SNX29: variants seen among roughly 807,000 people sequenced by gnomAD.
SNX29 encodes the protein sorting nexin-29.
A neutral mutation model predicts 102.1 loss-of-function variants in SNX29; 78 were observed. The observed-to-expected ratio is 0.76, with a 90% confidence interval of 0.64 to 0.92. The LOEUF is 0.92. SNX29 is among the 40% of genes least tolerant of loss of function. SNX29 has a pLI of 0.00. For missense variants in SNX29, 1,280 were observed against 1,061.7 expected (o/e 1.21, Z -2.86); for synonymous variants, 580 against 414.5 (o/e 1.40, Z -4.85).
At chr16:12,159,275 A>C (rs146978842) in intron 13 of SNX29, among the ~76,000 whole-genome samples, 80 of 152,306 alleles carry the variant, frequency 5.3e-4, no homozygotes, top group African/African-American at 1.9e-3. Context: ...AGTTGGCTTC[A>C]TTCCTCACCC....
intron 14 of SNX29, among the ~76,000 whole-genome samples, chr16:12,270,099 G>A (rs1373380956): frequency 6.6e-6 from 1 of 152,040 alleles, no homozygotes; most frequent in East Asian, 1.9e-4. Flanking sequence ...GACCTCAAGT[G>A]ATCCACCCAC....
intron 15 of SNX29, among the ~76,000 whole-genome samples, chr16:12,301,498 A>G (rs1387370219): frequency 6.6e-6 from 1 of 152,216 alleles, no homozygotes; most frequent in Non-Finnish European, 1.5e-5. Flanking sequence ...TCACCGCCTC[A>G]GTGAGGCCTT....
intron 20 of SNX29, among the ~76,000 whole-genome samples, chr16:12,533,511 G>C (rs2076986994): frequency 6.6e-6 from 1 of 152,190 alleles, no homozygotes; most frequent in Admixed American, 6.5e-5. Context: ...ACATCAGAGA[G>C]CAGCCCGTCA....
chr16:12,116,711 C>T lies in SNX29; in HGVS notation c.1403-9922C>T, dbSNP rs140837379. Among the ~76,000 whole-genome samples the T allele has an allele frequency of 2.2e-3, 342 of 152,282 alleles. 1 individual carries two copies. The highest frequency in any genetic ancestry group is 7.7e-3 in the African/African-American group (321 of 41,562). On this transcript the variant is annotated intron_variant, in intron 11 of 20. Transcript: ENST00000566228. ...AATGAGGCACTGATACATGCTTCAACGTGGATGAACTGTGGAAACAGGCTT... is the reference window on the plus strand; with the variant it reads ...AATGAGGCACTGATACATGCTTCAATGTGGATGAACTGTGGAAACAGGCTT...
chr16:12,534,103 G>A (rs934329198), intron 20 of SNX29, among the ~76,000 whole-genome samples: 3 of 152,316 alleles, frequency 2.0e-5, no homozygotes, highest in South Asian at 2.1e-4. Context: ...CCAGGGGATC[G>A]CGATGACAAG....
At chr16:12,545,234 C>T (rs983545490) in intron 20 of SNX29, among the ~76,000 whole-genome samples, 11 of 152,158 alleles carry the variant, frequency 7.2e-5, no homozygotes, top group African/African-American at 2.4e-4. Flanking sequence ...AGGGAAAGGG[C>T]CTCTGTTCTC....
intron 20 of SNX29, among the ~76,000 whole-genome samples, chr16:12,541,717 T>C (rs555692386): frequency 6.6e-6 from 1 of 152,232 alleles, no homozygotes; most frequent in East Asian, 1.9e-4. Context: ...TCCTGATTCC[T>C]GTCACCTCCT....
At chr16:12,273,044 A>T (rs2079138171) in intron 14 of SNX29, among the ~76,000 whole-genome samples, 1 of 152,196 alleles carries the variant, frequency 6.6e-6, no homozygotes, top group East Asian at 1.9e-4. Flanking sequence ...GAAGTGCATG[A>T]TCGTTTTTCC....
intron 13 of SNX29, among the ~76,000 whole-genome samples, chr16:12,194,114 G>A (rs942324801): frequency 1.3e-5 from 2 of 152,242 alleles, no homozygotes; most frequent in South Asian, 2.1e-4. Context: ...AGTCTTCTAA[G>A]CCATGAACCT....
chr16:12,529,857 C>T (rs190567343), intron 20 of SNX29, among the ~76,000 whole-genome samples: 25 of 152,324 alleles, frequency 1.6e-4, no homozygotes, highest in Non-Finnish European at 2.9e-4. Flanking sequence ...TCACTGCTAA[C>T]AGGAAGTAGC....
chr16:12,451,818 C>T lies in SNX29; in HGVS notation c.2038-25901C>T, dbSNP rs546582511. On this transcript the variant is annotated intron_variant, in intron 18 of 20. Transcript: ENST00000566228. The stretch of plus-strand genomic sequence containing the variant: ...GGCAGAAGTTGCAGTGAGCCCAGAT[C>T]GCGCCACTGCATTCTAGCCTGGGTG... 2.4e-4 allele frequency among the ~76,000 whole-genome samples: 36 copies of T among 152,314 alleles called. No individual in the cohort carries two copies. In the South Asian group the frequency reaches 2.7e-3, roughly 11 times the overall value.
intron 19 of SNX29, among the ~76,000 whole-genome samples, chr16:12,497,063 G>T (rs977003538): frequency 6.6e-6 from 1 of 152,114 alleles, no homozygotes; most frequent in Non-Finnish European, 1.5e-5. Flanking sequence ...AGGATCCGGG[G>T]CCCTGGACTT....
At chr16:12,484,191 C>A (rs886200287) in intron 19 of SNX29, among the ~76,000 whole-genome samples, 17 of 152,132 alleles carry the variant, frequency 1.1e-4, no homozygotes, top group Non-Finnish European at 7.4e-5. Context: ...CTCTGTCACC[C>A]AGGCTGGAGT....
chr16:12,415,783 C>T (rs2084608777), intron 18 of SNX29, among the ~76,000 whole-genome samples: 1 of 152,228 alleles, frequency 6.6e-6, no homozygotes. Context: ...TGCCACACCA[C>T]ACACTCCCTG....
intron 15 of SNX29, among the ~76,000 whole-genome samples, chr16:12,334,137 G>C (rs1041583769): frequency 2.6e-5 from 4 of 152,098 alleles, no homozygotes; most frequent in Non-Finnish European, 5.9e-5. Flanking sequence ...ATCCACTTTA[G>C]GTCTTTGAGG....
At chr16:12,465,507 G>T (rs897341290) in intron 18 of SNX29, among the ~76,000 whole-genome samples, 5 of 152,156 alleles carry the variant, frequency 3.3e-5, no homozygotes, top group African/African-American at 1.2e-4. Context: ...CTGTGTCACA[G>T]ATTAGTTGAC....
At chr16:12,459,932 G>A (rs888403110) in intron 18 of SNX29, among the ~76,000 whole-genome samples, 3 of 152,150 alleles carry the variant, frequency 2.0e-5, no homozygotes, top group Non-Finnish European at 4.4e-5. Context: ...CGACACCATC[G>A]GCCTAGCTCA....
intron 14 of SNX29, among the ~76,000 whole-genome samples, chr16:12,253,318 G>C (rs1172511860): frequency 6.6e-6 from 1 of 152,246 alleles, no homozygotes; most frequent in East Asian, 1.9e-4. Flanking sequence ...CCCTTGGGCT[G>C]AAAGTGAATA....
intron 11 of SNX29, among the ~76,000 whole-genome samples, chr16:12,082,442 G>C (rs2051948056): frequency 2.6e-5 from 4 of 152,206 alleles, no homozygotes; most frequent in Admixed American, 2.6e-4. Flanking sequence ...GCCGCTTTCT[G>C]TCTTTGAGGA....
Sources: gnomAD v4.1 joint callset for allele counts (sites outside exome capture counted in the v4.1 genomes callset) on GRCh38, gnomAD v4.1.1 for gene constraint, MANE v1.5 for transcripts, NCBI Gene and HGNC (gene_info 2026-07-23, HGNC 2026-07-21) for gene names.